Variants in EFCAB6 observed in about 807,000 individuals in gnomAD.
The protein encoded by EFCAB6 is EF-hand calcium binding domain 6, also known as EF-hand calcium-binding domain-containing protein 6.
Under a neutral mutation model 169.8 loss-of-function variants are expected in EFCAB6, and 156 were observed. That is an observed-to-expected ratio of 0.92 (90% confidence interval 0.81 to 1.05). The LOEUF is 1.05. EFCAB6 is among the 50% of genes least tolerant of loss of function. The pLI is 0.00. For synonymous variants in EFCAB6, 698 were observed against 676.4 expected, an observed-to-expected ratio of 1.03 and a Z score of -0.50; for missense variants, 1,800 against 1,829.1, an observed-to-expected ratio of 0.98 and a Z score of 0.29.
chr22:43,784,587 A>ATGTG (rs1253185182), intron 2 of EFCAB6, among the ~76,000 whole-genome samples: 1 of 54,166 alleles, frequency 1.8e-5, no homozygotes, highest in African/African-American at 5.3e-5. Context: ...ATACACATAT[A>ATGTG]TATGTATATA....
intron 19 of EFCAB6, among the ~76,000 whole-genome samples, chr22:43,627,992 T>G (rs1330814524): frequency 6.6e-6 from 1 of 152,268 alleles, no homozygotes; most frequent in East Asian, 1.9e-4. Flanking sequence ...GCAGGGAGGC[T>G]GATGTCTAAC....
Position 43,628,505 on chromosome 22 carries a change from T to C in EFCAB6, c.2233-1826A>G, listed in dbSNP as rs1287211071. On this transcript the variant is annotated intron_variant, in intron 19 of 31. Coordinates refer to ENST00000262726, the MANE Select transcript of EFCAB6 (RefSeq NM_022785.4). This position sits in a 1 kb window ranked among gnomAD's most constrained non-coding sequence, Gnocchi z 4.8. ...GAGCGATCCCTTACAGCTGACGTCA[T>C]GCATGAGGCGCCTCTGCTCAACCCC... Among the ~76,000 whole-genome samples, 1 of 152,140 alleles carries C rather than the reference T, an allele frequency of 6.6e-6. No individual in the cohort carries two copies. The highest frequency in any genetic ancestry group is 1.5e-5 in the Non-Finnish European group (1 of 68,022).
At chr22:43,605,675 G>C (rs373989371) in intron 22 of EFCAB6, among the ~76,000 whole-genome samples, 92 of 152,236 alleles carry the variant, frequency 6.0e-4, no homozygotes, top group South Asian at 1.5e-3. Flanking sequence ...AAGATGGAAA[G>C]AGTTCTGGAG....
chr22:43,796,334 T>C (rs534566664), intron 2 of EFCAB6, among the ~76,000 whole-genome samples: 2 of 152,164 alleles, frequency 1.3e-5, no homozygotes, highest in Non-Finnish European at 2.9e-5. Context: ...CAAAAAATGA[T>C]GAATGTTAAG....
chr22:43,682,504 G>C (rs541385529), intron 12 of EFCAB6, among the ~76,000 whole-genome samples: 4 of 152,292 alleles, frequency 2.6e-5, no homozygotes, highest in Admixed American at 1.3e-4. Flanking sequence ...ATTAGAACCT[G>C]AGTGGGGGTG....
Position 43,615,920 on chromosome 22 carries a change from G to A in EFCAB6, c.2468C>T (p.Pro823Leu), listed in dbSNP as rs1278194447. 2 of 1,610,590 alleles carry A rather than the reference G, an allele frequency of 1.2e-6. No homozygotes were observed. Among genetic ancestry groups the A allele is most frequent in the Non-Finnish European group, 1.7e-6 (2 of 1,178,768 alleles). The change falls in exon 21 of 32, where the codon CCA becomes CTA. Residue 823 changes from proline to leucine, a missense_variant and splice_region_variant. By Grantham distance (98) the Pro-to-Leu change is moderately conservative. Coordinates refer to ENST00000262726, the MANE Select transcript of EFCAB6 (RefSeq NM_022785.4). ...TDEAPQRLIR[P>L]KQKVADSELA... ...TTCTGAATCCGCAACCTTCTGTTTT[G>A]GTCTTAAAAGAAAAAAAATAATAAA...
At chr22:43,803,437 G>C (rs1256407035) in intron 2 of EFCAB6, among the ~76,000 whole-genome samples, 1 of 152,178 alleles carries the variant, frequency 6.6e-6, no homozygotes, top group Non-Finnish European at 1.5e-5. Flanking sequence ...AAGGGAGTTT[G>C]AAAGTTGTTA....
At chr22:43,623,802 G>A (rs2147805719) in intron 20 of EFCAB6, among the ~76,000 whole-genome samples, 1 of 151,304 alleles carries the variant, frequency 6.6e-6, no homozygotes, top group Admixed American at 6.6e-5. Context: ...CCAGCTACTT[G>A]GGAGGCTGAG....
intron 10 of EFCAB6, among the ~76,000 whole-genome samples, chr22:43,700,182 C>T (rs187046862): frequency 7.9e-5 from 12 of 152,230 alleles, no homozygotes; most frequent in South Asian, 2.1e-4. Context: ...TACACACACA[C>T]AGAAAACAGC....
intron 3 of EFCAB6, among the ~76,000 whole-genome samples, chr22:43,778,636 T>C (rs2061713732): frequency 1.3e-5 from 2 of 152,198 alleles, no homozygotes; most frequent in Non-Finnish European, 2.9e-5. Context: ...AGCTGGTGGC[T>C]GGGCTATAAA....
intron 20 of EFCAB6, among the ~76,000 whole-genome samples, chr22:43,622,480 C>T (rs781413774): frequency 5.3e-5 from 8 of 152,118 alleles, no homozygotes; most frequent in Admixed American, 2.6e-4. Flanking sequence ...GCAGGAGAAT[C>T]GCTTGAACCT....
rs2059135264 is a variant in EFCAB6 at position 43,710,854 on chromosome 22, A to T, written c.1031+621T>A. Among the ~76,000 whole-genome samples the T allele has an allele frequency of 1.3e-5, 2 of 152,180 alleles. 1 individual carries two copies. The highest frequency in any genetic ancestry group is 4.1e-4 in the South Asian group (2 of 4,834). On this transcript the variant is annotated intron_variant, in intron 10 of 31. Coordinates refer to ENST00000262726, the MANE Select transcript of EFCAB6 (RefSeq NM_022785.4). ...AACTATCAATTTAGGGTAGGGAGTC[A>T]GGGGAGGGAGATAGGGAAACATGTA...
intron 26 of EFCAB6, among the ~76,000 whole-genome samples, chr22:43,561,426 T>A (rs1046599758): frequency 4.6e-5 from 7 of 151,212 alleles, no homozygotes; most frequent in Admixed American, 4.6e-4. Context: ...GGAAAAATGA[T>A]CACTGAAAAC....
intron 6 of EFCAB6, among the ~76,000 whole-genome samples, chr22:43,736,710 C>T (rs1350685006): frequency 6.6e-6 from 1 of 152,068 alleles, no homozygotes; most frequent in Admixed American, 6.5e-5. Flanking sequence ...TGGCCTTAAA[C>T]TACTCAAAGA....
intron 8 of EFCAB6, among the ~76,000 whole-genome samples, chr22:43,722,396 T>C (rs1481138579): frequency 6.6e-6 from 1 of 151,776 alleles, no homozygotes; most frequent in Non-Finnish European, 1.5e-5. Context: ...CTAAGTGTGG[T>C]GGCATGCGCC....
At chr22:43,762,970 A>G (rs969865472) in intron 5 of EFCAB6, among the ~76,000 whole-genome samples, 5 of 152,228 alleles carry the variant, frequency 3.3e-5, no homozygotes, top group African/African-American at 9.6e-5. Context: ...AGCACTAACT[A>G]AAGAGAGCAC....
intron 2 of EFCAB6, among the ~76,000 whole-genome samples, chr22:43,784,598 TAC>T (rs571454186): frequency 1.5e-5 from 1 of 64,874 alleles, no homozygotes; most frequent in Non-Finnish European, 3.2e-5. Flanking sequence ...TATGTATATA[TAC>T]ACATATATAT....
At chr22:43,786,614 C>T (rs1280890440) in intron 2 of EFCAB6, among the ~76,000 whole-genome samples, 1 of 151,878 alleles carries the variant, frequency 6.6e-6, no homozygotes, top group African/African-American at 2.4e-5. Flanking sequence ...CCCAGCTACT[C>T]GGGTGGCTGA....
intron 10 of EFCAB6, among the ~76,000 whole-genome samples, chr22:43,701,039 T>G (rs1311372246): frequency 1.3e-5 from 2 of 152,208 alleles, no homozygotes; most frequent in Non-Finnish European, 2.9e-5. Context: ...AGCCTCGTCC[T>G]GGTAAATCAA....
Sources: allele counts gnomAD v4.1 joint callset (sites outside exome capture counted in the v4.1 genomes callset), GRCh38; gene constraint gnomAD v4.1.1; non-coding constraint Gnocchi (gnomAD v3.1); transcripts MANE v1.5; gene names NCBI Gene and HGNC (gene_info 2026-07-23, HGNC 2026-07-21).